Variants in ADD2 observed in about 807,000 individuals in gnomAD.
ADD2 encodes the protein adducin 2.
Under a neutral mutation model 83.0 loss-of-function variants are expected in ADD2, and 23 were observed. The ratio of observed to expected loss-of-function variants is 0.28; its 90% CI spans 0.20 to 0.39. The LOEUF (loss-of-function observed/expected upper bound fraction) is 0.39. Among genes scored for constraint, ADD2 ranks in the 10% least tolerant of loss-of-function variants. ADD2 has a pLI of 1.00. For synonymous variants in ADD2, 375 were observed against 375.4 expected (o/e 1.00, Z 0.01); for missense variants, 758 against 944.9 (o/e 0.80, Z 2.59).
At chr2:70,749,959 T>A (rs1553382656) in intron 1 of ADD2, among the ~76,000 whole-genome samples, 1 of 152,172 alleles carries the variant, frequency 6.6e-6, no homozygotes, top group Non-Finnish European at 1.5e-5. Flanking sequence ...TCTTAACCAA[T>A]ATAGAGTGTC....
At chr2:70,737,612 T>C (rs1345121607) in intron 1 of ADD2, among the ~76,000 whole-genome samples, 1 of 148,552 alleles carries the variant, frequency 6.7e-6, no homozygotes, top group Non-Finnish European at 1.5e-5. Flanking sequence ...CATTAGGAGA[T>C]ATACCTAATG....
Position 70,683,701 on chromosome 2 carries a change from G to A in ADD2, c.1015C>T (p.Pro339Ser). Reference sequence around the variant, plus strand: ...CACTGCACGGAGCCCACCTCATGGGGCCGGTGCTTCTCCTGCTCCAGGAGG... The same window carrying A: ...CACTGCACGGAGCCCACCTCATGGGACCGGTGCTTCTCCTGCTCCAGGAGG... ...LILLEQEKHR[P>S]HEVGSVQWAG... Residue 339 changes from proline (P) to serine (S), a missense_variant, in exon 10 of 16, where the codon CCC (proline) becomes TCC (serine). Physicochemically the swap from Pro to Ser is moderately conservative, Grantham distance 74. Transcript: ENST00000264436. 6.2e-7 allele frequency: 1 copy of A among 1,614,164 alleles called. No individual in the cohort carries two copies. Among genetic ancestry groups the A allele is most frequent in the Non-Finnish European group, 8.5e-7 (1 of 1,180,010 alleles).
At chr2:70,764,654 C>T (rs1553385657) in intron 1 of ADD2, among the ~76,000 whole-genome samples, 2 of 151,950 alleles carry the variant, frequency 1.3e-5, no homozygotes, top group African/African-American at 2.4e-5. Context: ...CATAGTGGCT[C>T]ATGCCTGTAG....
intron 9 of ADD2, chr2:70,687,481 G>A (rs1670796700): frequency 6.5e-6 from 1 of 154,406 alleles, no homozygotes; most frequent in African/African-American, 2.4e-5. Context: ...TATCACTTGG[G>A]GTTGCTCTGG....
chr2:70,730,542 G>A lies in ADD2; in HGVS notation c.-153-17358C>T, dbSNP rs1001910831. 2.6e-5 allele frequency among the ~76,000 whole-genome samples: 4 copies of A among 152,218 alleles called. No individual in the cohort carries two copies. In the East Asian group the frequency reaches 5.8e-4, roughly 22 times the overall value. ...TAACCTACAGGCATGAAGTGAGGCT[G>A]GCCTCTCTGCCCCAAATCTTACCAG... On this transcript the variant is annotated intron_variant, in intron 1 of 15. Coordinates refer to ENST00000264436, the MANE Select transcript of ADD2 (RefSeq NM_001617.4).
At position 70,706,962 on chromosome 2, in the gene ADD2, A is replaced by G. The variant is rs1671938337; in HGVS notation, c.-34-520T>C. 1.3e-5 allele frequency among the ~76,000 whole-genome samples: 2 copies of G among 152,312 alleles called. No homozygotes were observed. The highest frequency in any genetic ancestry group is 4.8e-5 in the African/African-American group (2 of 41,560). On this transcript the variant is annotated intron_variant, in intron 2 of 15. Transcript: ENST00000264436. This position sits in a 1 kb window ranked among gnomAD's most constrained non-coding sequence, Gnocchi z 5.0. Reference sequence around the variant, plus strand: ...ATGGCACACATTTACCTATGTAACAAACCTGCACATCCTGCACACGTATCA... The same window carrying G: ...ATGGCACACATTTACCTATGTAACAGACCTGCACATCCTGCACACGTATCA...
At chr2:70,761,581 C>T (rs1675096397) in intron 1 of ADD2, among the ~76,000 whole-genome samples, 1 of 135,450 alleles carries the variant, frequency 7.4e-6, no homozygotes, top group African/African-American at 2.8e-5. Flanking sequence ...GCACTCCAGC[C>T]TGGGTGACAG....
In ADD2 at chr2:70,692,624, G is replaced by T; in HGVS notation, c.556-72C>A. The T allele has an allele frequency of 2.0e-6, 3 of 1,466,676 alleles. No individual in the cohort carries two copies. In the South Asian group the frequency reaches 4.2e-5, roughly 20 times the overall value. 90.9% of individuals were successfully genotyped at this position (1,466,676 alleles called of 1,614,324 possible). On this transcript the variant is annotated intron_variant, in intron 6 of 15. Transcript: ENST00000264436. ...CCCCGCACTCCTCTCCCAGCTGGTGGGCCCAGCATGTGCCGCCCACCTGTC... is the reference window on the plus strand; with the variant it reads ...CCCCGCACTCCTCTCCCAGCTGGTGTGCCCAGCATGTGCCGCCCACCTGTC...
intron 15 of ADD2, among the ~76,000 whole-genome samples, chr2:70,669,619 A>G (rs1297664180): frequency 2.0e-5 from 3 of 152,190 alleles, no homozygotes; most frequent in African/African-American, 4.8e-5. Context: ...TATGACCCCA[A>G]TGAGCTATCC....
intron 4 of ADD2, among the ~76,000 whole-genome samples, chr2:70,700,300 A>G (rs1671525635): frequency 2.6e-5 from 4 of 152,178 alleles, no homozygotes; most frequent in Admixed American, 2.6e-4. Flanking sequence ...GCAAACCTTT[A>G]AAAGACTAAG....
chr2:70,718,687 C>T (rs1672590758), intron 1 of ADD2, among the ~76,000 whole-genome samples: 1 of 152,198 alleles, frequency 6.6e-6, no homozygotes, highest in South Asian at 2.1e-4. Context: ...AAGGACCCAG[C>T]ATCCTGGTTT....
At chr2:70,694,376 A>T (rs1057166778) in intron 6 of ADD2, among the ~76,000 whole-genome samples, 1 of 152,134 alleles carries the variant, frequency 6.6e-6, no homozygotes, top group Non-Finnish European at 1.5e-5. Context: ...ATCTTTCTAC[A>T]ACAGAAATCT....
intron 2 of ADD2, among the ~76,000 whole-genome samples, chr2:70,708,938 T>C (rs1195582838): frequency 6.6e-6 from 1 of 152,232 alleles, no homozygotes; most frequent in Non-Finnish European, 1.5e-5. Flanking sequence ...TTCCATTTTC[T>C]GTAGGTCACT....
At chr2:70,691,450 G>A (rs1671030168) in intron 7 of ADD2, among the ~76,000 whole-genome samples, 2 of 152,140 alleles carry the variant, frequency 1.3e-5, no homozygotes, top group Admixed American at 1.3e-4. Context: ...TTGCTGCCCA[G>A]TATAAAGGTC....
At chr2:70,684,488 A>G (rs1670618218) in intron 9 of ADD2, among the ~76,000 whole-genome samples, 1 of 152,174 alleles carries the variant, frequency 6.6e-6, no homozygotes, top group Non-Finnish European at 1.5e-5. Context: ...GGCTCAAGCA[A>G]TCTACCTGCC....
At chr2:70,735,569 C>T (rs1553379945) in intron 1 of ADD2, among the ~76,000 whole-genome samples, 1 of 152,008 alleles carries the variant, frequency 6.6e-6, no homozygotes, top group Non-Finnish European at 1.5e-5. Flanking sequence ...CCTGCTTGCT[C>T]TGCCTGCTTT....
At chr2:70,666,050 G>A (rs577912855) in intron 15 of ADD2, among the ~76,000 whole-genome samples, 13 of 152,190 alleles carry the variant, frequency 8.5e-5, no homozygotes, top group Admixed American at 5.2e-4. Context: ...TCCTGACCTC[G>A]TGATCCGCCC....
At chr2:70,727,197 T>G (rs1276156168) in intron 1 of ADD2, among the ~76,000 whole-genome samples, 2 of 152,166 alleles carry the variant, frequency 1.3e-5, no homozygotes, top group African/African-American at 4.8e-5. Context: ...GACAACAGGA[T>G]AAAGTTATCT....
At chr2:70,675,695 G>A (rs1392849064) in intron 13 of ADD2, 1 of 985,326 alleles carries the variant, frequency 1.0e-6, no homozygotes, top group Non-Finnish European at 1.2e-6. Flanking sequence ...TCCCTGCCCT[G>A]GCCCGCCAGG....
Sources: gnomAD v4.1 joint callset for allele counts (sites outside exome capture counted in the v4.1 genomes callset) on GRCh38, gnomAD v4.1.1 for gene constraint, Gnocchi (gnomAD v3.1) non-coding constraint, MANE v1.5 for transcripts, NCBI Gene and HGNC (gene_info 2026-07-23, HGNC 2026-07-21) for gene names.